Variants in ASIC2 observed in about 807,000 individuals in gnomAD.
The protein encoded by ASIC2 is acid-sensing ion channel 2.
Under a neutral mutation model 57.3 loss-of-function variants are expected in ASIC2, and 25 were observed. The observed-to-expected ratio is 0.44, with a 90% CI of 0.32 to 0.61. The LOEUF is 0.61. Ranked by LOEUF, ASIC2 falls within the 20% of genes least tolerant of loss-of-function variation. ASIC2 has a pLI of 0.06. For synonymous variants in ASIC2, 319 were observed against 307.5 expected (o/e 1.04, Z -0.39); for missense variants, 641 against 738.1 (o/e 0.87, Z 1.52).
intron 1 of ASIC2, among the ~76,000 whole-genome samples, chr17:33,342,228 A>G (rs944618305): frequency 2.0e-5 from 3 of 152,166 alleles, no homozygotes; most frequent in Non-Finnish European, 4.4e-5. Context: ...GGAAGTTAGC[A>G]AAGGGGAAGC....
intron 1 of ASIC2, among the ~76,000 whole-genome samples, chr17:33,475,242 A>C (rs1307278313): frequency 1.3e-5 from 2 of 150,494 alleles, no homozygotes; most frequent in Non-Finnish European, 3.0e-5. Flanking sequence ...CCACATCCCC[A>C]CCCCCCAGTA....
chr17:33,346,279 AGAC>A (rs2142243052), intron 1 of ASIC2, among the ~76,000 whole-genome samples: 1 of 151,524 alleles, frequency 6.6e-6, no homozygotes, highest in Admixed American at 6.6e-5. Flanking sequence ...AGGAACATAA[AGAC>A]ACCTATGTAC....
At chr17:33,058,244 G>A (rs760873693) in intron 3 of ASIC2, among the ~76,000 whole-genome samples, 3 of 151,952 alleles carry the variant, frequency 2.0e-5, no homozygotes, top group Non-Finnish European at 2.9e-5. Flanking sequence ...CTGGTAAACC[G>A]AGGCACAGCT....
chr17:33,919,802 A>G (rs1203191737), intron 1 of ASIC2, among the ~76,000 whole-genome samples: 1 of 152,224 alleles, frequency 6.6e-6, no homozygotes, highest in African/African-American at 2.4e-5. Context: ...CAGAATCTGT[A>G]AGAAACTTAA....
intron 1 of ASIC2, among the ~76,000 whole-genome samples, chr17:33,645,105 A>G (rs1331281813): frequency 6.6e-6 from 1 of 152,198 alleles, no homozygotes; most frequent in East Asian, 1.9e-4. Flanking sequence ...CTAACTACTC[A>G]GTAATAGAGA....
At chr17:34,050,046 G>A (rs949303683) in intron 1 of ASIC2, among the ~76,000 whole-genome samples, 7 of 152,168 alleles carry the variant, frequency 4.6e-5, no homozygotes, top group Non-Finnish European at 8.8e-5. Flanking sequence ...TATCAAATAA[G>A]CAAAGATACT....
chr17:33,151,205 G>GCACACACA (rs796468433), intron 1 of ASIC2, among the ~76,000 whole-genome samples: 1 of 145,888 alleles, frequency 6.9e-6, no homozygotes, highest in Non-Finnish European at 1.5e-5. Context: ...ACACACGCGC[G>GCACACACA]CACACACACA....
chr17:34,030,239 T>C (rs1373983078), intron 1 of ASIC2, among the ~76,000 whole-genome samples: 1 of 152,228 alleles, frequency 6.6e-6, no homozygotes, highest in East Asian at 1.9e-4. Flanking sequence ...TCTGCCCTGC[T>C]CCTCACAGTC....
intron 3 of ASIC2, among the ~76,000 whole-genome samples, chr17:33,084,606 C>CT (rs1567738768): frequency 2.0e-5 from 3 of 152,114 alleles, no homozygotes; most frequent in Non-Finnish European, 4.4e-5. Context: ...AGAACCCCCC[C>CT]TGCAGGGTTG....
At chr17:33,910,996 GT>G (rs1218715781) in intron 1 of ASIC2, among the ~76,000 whole-genome samples, 2 of 152,200 alleles carry the variant, frequency 1.3e-5, no homozygotes, top group African/African-American at 4.8e-5. Context: ...AAGGGCAAGT[GT>G]CAGAAATGTC....
chr17:33,751,958 G>C (rs1421388018), intron 1 of ASIC2, among the ~76,000 whole-genome samples: 7 of 147,062 alleles, frequency 4.8e-5, no homozygotes, highest in Non-Finnish European at 7.5e-5. Flanking sequence ...GGGGTGGGGT[G>C]GGGGTGGGGA....
At chr17:33,966,054 T>G (rs34582950) in intron 1 of ASIC2, among the ~76,000 whole-genome samples, 36 of 152,204 alleles carry the variant, frequency 2.4e-4, no homozygotes, top group Non-Finnish European at 1.5e-4. Flanking sequence ...CCCAAGCCCC[T>G]GTACATGGGC....
intron 1 of ASIC2, among the ~76,000 whole-genome samples, chr17:33,719,835 C>T (rs546880775): frequency 3.9e-5 from 6 of 152,302 alleles, no homozygotes; most frequent in African/African-American, 1.2e-4. Context: ...AGGAGTTTGG[C>T]CGCACAGCGA....
At chr17:33,667,871 AG>A (rs1478150809) in intron 1 of ASIC2, among the ~76,000 whole-genome samples, 1 of 152,184 alleles carries the variant, frequency 6.6e-6, no homozygotes, top group Non-Finnish European at 1.5e-5. Context: ...TTTATCTATA[AG>A]CACAGCTGCT....
Position 33,762,707 on chromosome 17 carries a change from T to C in ASIC2, c.555+393271A>G, listed in dbSNP as rs368989801. ...CAGTCCAGGCCAAGTGTATTTTTTA[T>C]GTTTGAACTTTGTTAGCACTGGGCT... On this transcript the variant is annotated intron_variant, in intron 1 of 9. Transcript: ENST00000359872. Among the ~76,000 whole-genome samples the C allele has an allele frequency of 1.1e-4, 17 of 152,362 alleles. 1 individual carries two copies. The East Asian group carries it at 2.3e-3, about 21-fold the overall frequency.
intron 1 of ASIC2, among the ~76,000 whole-genome samples, chr17:33,956,303 C>A (rs770920977): frequency 3.3e-5 from 5 of 152,264 alleles, no homozygotes; most frequent in South Asian, 4.2e-4. Flanking sequence ...CAAGAATTGA[C>A]CTGAGAGAGG....
At chr17:33,635,500 C>A (rs1375211014) in intron 1 of ASIC2, among the ~76,000 whole-genome samples, 1 of 152,180 alleles carries the variant, frequency 6.6e-6, no homozygotes, top group Non-Finnish European at 1.5e-5. Flanking sequence ...GACATAAGCA[C>A]ATCATAGCAA....
At chr17:33,073,584 C>T (rs2092077877) in intron 3 of ASIC2, among the ~76,000 whole-genome samples, 1 of 152,292 alleles carries the variant, frequency 6.6e-6, no homozygotes, top group South Asian at 2.1e-4. Flanking sequence ...GCGACCATCA[C>T]AATGGGGATC....
intron 1 of ASIC2, among the ~76,000 whole-genome samples, chr17:34,083,353 C>T (rs927548467): frequency 6.6e-6 from 1 of 151,852 alleles, no homozygotes; most frequent in African/African-American, 2.4e-5. Context: ...GACATGAACT[C>T]ATCATTTTTT....
Sources: gnomAD v4.1 joint callset for allele counts (sites outside exome capture counted in the v4.1 genomes callset) on GRCh38, gnomAD v4.1.1 for gene constraint, MANE v1.5 for transcripts, NCBI Gene and HGNC (gene_info 2026-07-23, HGNC 2026-07-21) for gene names.